The following GIT2 variants were observed in gnomAD, a reference collection of about 807,000 sequenced individuals.
The protein encoded by GIT2 is GIT ArfGAP 2, also known as ARF GTPase-activating protein GIT2.
In GIT2, 32 loss-of-function variants were observed where a neutral mutation model predicts 100.3. That is an observed-to-expected ratio of 0.32 (90% CI 0.24 to 0.43). GIT2 has a LOEUF of 0.43. Among genes scored for constraint, GIT2 ranks in the 20% least tolerant of loss-of-function variants. The pLI, the probability that GIT2 is intolerant of heterozygous loss-of-function variation, is 1.00. For missense variants in GIT2, 737 were observed against 975.1 expected (o/e 0.76, Z 3.25); for synonymous variants, 353 against 364.1 (o/e 0.97, Z 0.35).
chr12:109,994,075 C>CAAAAAAAAAAAAAAAAAAAAAAAA (rs34393850), intron 1 of GIT2, among the ~76,000 whole-genome samples: 1 of 59,692 alleles, frequency 1.7e-5, no homozygotes, highest in Non-Finnish European at 3.7e-5. Context: ...ACACTAATGG[C>CAAAAAAAAAAAAAAAAAAAAAAAA]AAAAAAAAAA....
chr12:109,991,953 G>A, intron 1 of GIT2, 193 bp from the exon 2 acceptor site: 2 of 506,454 alleles, frequency 3.9e-6, no homozygotes, highest in Non-Finnish European at 7.0e-6. Context: ...AATGTTAATT[G>A]AGACTAAAAA....
At chr12:109,977,590 G>A (rs927204509) in intron 7 of GIT2, among the ~76,000 whole-genome samples, 1 of 152,072 alleles carries the variant, frequency 6.6e-6, no homozygotes, top group Non-Finnish European at 1.5e-5. Flanking sequence ...TTGGGAAGCC[G>A]AGGTGGGCGG....
intron 7 of GIT2, among the ~76,000 whole-genome samples, chr12:109,972,010 A>ATATAT (rs749472307): frequency 7.1e-6 from 1 of 141,754 alleles, no homozygotes; most frequent in Non-Finnish European, 1.5e-5. Flanking sequence ...GGGAAAAAAA[A>ATATAT]ATATATATAT....
intron 9 of GIT2, among the ~76,000 whole-genome samples, chr12:109,964,620 G>GACACACACACACACACACAC (rs58007337): frequency 9.2e-5 from 11 of 119,058 alleles, no homozygotes; most frequent in East Asian, 2.9e-4. Context: ...TTAATCTAAA[G>GACACACACACACACACACAC]ACACACACAC....
chr12:109,933,499 A>T lies in GIT2; in HGVS notation c.2068-309T>A, dbSNP rs931243564. On this transcript the variant is annotated intron_variant, in intron 19 of 19. Transcript: ENST00000355312. This position sits in a 1 kb window ranked among gnomAD's most constrained non-coding sequence, Gnocchi z 4.5. ...TATTCCAGAAAATCCTATAAATTTT[A>T]AAATGTGCCTTTTAGCACGACTTGT... 1.9e-4 allele frequency: 55 copies of T among 294,248 alleles called. No individual in the cohort carries two copies. Among genetic ancestry groups the T allele is most frequent in the Non-Finnish European group, 2.6e-4 (41 of 157,754 alleles). 18.2% of individuals were successfully genotyped at this position (294,248 alleles called of 1,614,324 possible).
At chr12:109,976,877 C>T (rs959176053) in intron 7 of GIT2, among the ~76,000 whole-genome samples, 15 of 152,218 alleles carry the variant, frequency 9.9e-5, no homozygotes, top group Non-Finnish European at 2.1e-4. Flanking sequence ...GCTTGAGCTA[C>T]TGCACCTGGC....
chr12:109,973,982 C>CA, intron 7 of GIT2, among the ~76,000 whole-genome samples: 1 of 152,162 alleles, frequency 6.6e-6, no homozygotes, highest in South Asian at 2.1e-4. Context: ...GGGGAGGTTG[C>CA]AGTGAGCCAA....
At chr12:109,993,198 G>A (rs997264083) in intron 1 of GIT2, among the ~76,000 whole-genome samples, 3 of 152,118 alleles carry the variant, frequency 2.0e-5, no homozygotes, top group Non-Finnish European at 4.4e-5. Context: ...ATGGATCTGG[G>A]TAAGTAAACT....
chr12:109,938,480 G>A lies in GIT2; in HGVS notation c.1903C>T (p.Pro635Ser), dbSNP rs1592948401. 6.2e-7 allele frequency: 1 copy of A among 1,613,706 alleles called. No individual in the cohort carries two copies. The highest frequency in any genetic ancestry group is 8.5e-7 in the Non-Finnish European group (1 of 1,179,672). The stretch of plus-strand genomic sequence containing the variant: ...ACATCTTCGGTGCTAGGGAGAGTGG[G>A]GCTTGGGGCCACATGGGGTTCTGCT... ...DTAEPHVAPS[P>S]TLPSTEDVIR... Residue 635 changes from proline to serine, a missense_variant, in exon 18 of 20, where the codon CCC becomes TCC. Transcript: ENST00000355312.
chr12:109,998,388 A>T (rs1038526364), upstream of GIT2: 5 of 152,238 alleles, frequency 3.3e-5, no homozygotes, highest in African/African-American at 1.2e-4. Context: ...GAAGAGCTGG[A>T]TGTGCATACA....
intron 2 of GIT2, 84 bp downstream of exon 2, chr12:109,991,543 G>A: frequency 4.7e-6 from 5 of 1,060,418 alleles, no homozygotes; most frequent in Non-Finnish European, 7.1e-6. Context: ...TATGGAAGAA[G>A]TACACCAGGA....
rs571692555 is a variant in GIT2, at chr12:109,959,733, A to G, written c.1099+114T>C. 5.9e-6 allele frequency: 4 copies of G among 677,408 alleles called. No homozygotes were observed. The South Asian group carries it at 7.4e-5, about 13-fold the overall frequency. The allele number at this position is 677,408 out of a possible 1,614,324, so 42.0% of individuals were successfully genotyped here. On this transcript the variant is annotated intron_variant, in intron 12 of 19. Transcript: ENST00000355312. ...AAAGTAAAAAAACAAACAAAAAACC[A>G]AAAACCTATAGAACTGTCATGTTGA...
intron 7 of GIT2, among the ~76,000 whole-genome samples, chr12:109,969,407 T>C (rs1264554501): frequency 8.5e-5 from 13 of 152,196 alleles, no homozygotes; most frequent in Non-Finnish European, 1.5e-5. Flanking sequence ...CCTCTGGTGA[T>C]CCACCTGCCT....
In GIT2 at chr12:109,993,571, C is replaced by T. The variant is rs1042948728; in HGVS notation, c.53-1811G>A. On this transcript the variant is annotated intron_variant, in intron 1 of 19. Transcript: ENST00000355312. ...TTACTTGAGTGTTTTCACCATGGTT[C>T]AAATGAGAACAATGACAAATCTCGG... 3.3e-5 allele frequency among the ~76,000 whole-genome samples: 5 copies of T among 152,062 alleles called. No homozygotes were observed. In the South Asian group the frequency reaches 1.0e-3, roughly 32 times the overall value.
chr12:109,985,958 G>C (rs1887296669), intron 4 of GIT2, among the ~76,000 whole-genome samples: 1 of 151,602 alleles, frequency 6.6e-6, no homozygotes, highest in Non-Finnish European at 1.5e-5. Flanking sequence ...TTTGAGACTA[G>C]GGAGGTTGAG....
upstream of GIT2, chr12:109,999,879 C>T (rs1889860302): frequency 2.6e-6 from 3 of 1,170,362 alleles, no homozygotes; most frequent in Non-Finnish European, 3.5e-6. This position sits in a 1 kb window ranked among gnomAD's most constrained non-coding sequence, Gnocchi z 4.3. Context: ...CCTCTGTCCC[C>T]GGGATCCCCA....
intron 1 of GIT2, 49 bp from the exon 2 acceptor site, chr12:109,991,809 T>C: frequency 6.5e-7 from 1 of 1,545,238 alleles, no homozygotes; most frequent in East Asian, 2.3e-5. Flanking sequence ...CAGGTTGCTA[T>C]ACCGCCAGAT....
At chr12:109,967,062 G>A (rs376336134) in intron 8 of GIT2, among the ~76,000 whole-genome samples, 2 of 152,176 alleles carry the variant, frequency 1.3e-5, no homozygotes, top group Admixed American at 1.3e-4. Context: ...GAGTTAAGCT[G>A]TTGCGAAAGC....
At position 109,952,800 on chromosome 12, in the gene GIT2, C is replaced by T. The variant is rs1878272317; in HGVS notation, c.1242+292G>A. The stretch of plus-strand genomic sequence containing the variant: ...TCTCTCCTAGGCAATGAGAGCCTCA[C>T]AGGAAAGGGACGAGGCCTCATTCAG... On this transcript the variant is annotated intron_variant, in intron 13 of 19. Transcript: ENST00000355312. 6.2e-6 allele frequency: 3 copies of T among 486,340 alleles called. 1 individual carries two copies. Among genetic ancestry groups the T allele is most frequent in the Non-Finnish European group, 3.8e-6 (1 of 262,412 alleles). 30.1% of individuals were successfully genotyped at this position (486,340 alleles called of 1,614,324 possible).
Sources: allele counts gnomAD v4.1 joint callset (sites outside exome capture counted in the v4.1 genomes callset), GRCh38; gene constraint gnomAD v4.1.1; non-coding constraint Gnocchi (gnomAD v3.1); transcripts MANE v1.5; gene names NCBI Gene and HGNC (gene_info 2026-07-23, HGNC 2026-07-21).